Variants in TGFA observed in about 807,000 individuals in gnomAD.
The protein encoded by TGFA is transforming growth factor alpha.
A neutral mutation model predicts 21.7 loss-of-function variants in TGFA; 12 were observed. That is an observed-to-expected ratio of 0.55 (90% CI 0.35 to 0.90). TGFA has a LOEUF of 0.90. TGFA is among the 40% of genes least tolerant of loss of function. The pLI is 0.01. For synonymous variants in TGFA, 79 were observed against 88.1 expected (o/e 0.90, Z 0.58); for missense variants, 178 against 210.8 (o/e 0.84, Z 0.96).
chr2:70,549,823 G>C lies in TGFA; in HGVS notation c.40+3905C>G, dbSNP rs561647291. ...TATAAGAAAAGTCCCCTTTGCAGGGGACATTGAGTATTTATAGAAAGATCA... is the reference window on the plus strand; with the variant it reads ...TATAAGAAAAGTCCCCTTTGCAGGGCACATTGAGTATTTATAGAAAGATCA... On this transcript the variant is annotated intron_variant, in intron 1 of 5. Coordinates refer to ENST00000295400, the MANE Select transcript of TGFA (RefSeq NM_003236.4). 3.9e-5 allele frequency among the ~76,000 whole-genome samples: 6 copies of C among 152,312 alleles called. No individual in the cohort carries two copies. The South Asian group carries it at 1.0e-3, about 26-fold the overall frequency.
At chr2:70,505,158 C>G (rs1257494834) in intron 2 of TGFA, among the ~76,000 whole-genome samples, 1 of 152,082 alleles carries the variant, frequency 6.6e-6, no homozygotes, top group Non-Finnish European at 1.5e-5. Context: ...CTCATAGCAG[C>G]TTTTGACCAT....
intron 3 of TGFA, among the ~76,000 whole-genome samples, chr2:70,460,643 C>T (rs1242206397): frequency 6.6e-6 from 1 of 152,160 alleles, no homozygotes; most frequent in Non-Finnish European, 1.5e-5. Flanking sequence ...CTTTCAAGAA[C>T]CAGATTCACC....
chr2:70,544,614 T>C (rs1553505604), intron 1 of TGFA, among the ~76,000 whole-genome samples: 1 of 152,134 alleles, frequency 6.6e-6, no homozygotes, highest in Non-Finnish European at 1.5e-5. Context: ...CTAGAAGTGG[T>C]CCCAGCACAG....
At chr2:70,460,296 T>C (rs566226461) in intron 3 of TGFA, among the ~76,000 whole-genome samples, 1 of 152,302 alleles carries the variant, frequency 6.6e-6, no homozygotes, top group Admixed American at 6.5e-5. Context: ...AGGGCGATCC[T>C]TTCTCTTCCT....
chr2:70,539,871 G>A lies in TGFA; in HGVS notation c.40+13857C>T, dbSNP rs74819686. On this transcript the variant is annotated intron_variant, in intron 1 of 5. Coordinates refer to ENST00000295400, the MANE Select transcript of TGFA (RefSeq NM_003236.4). ...CCTTTTTCATTCTCTAGTTGTTCCCGTGCCAGGTGTGGTCTGTGGTTCCAC... is the reference window on the plus strand; with the variant it reads ...CCTTTTTCATTCTCTAGTTGTTCCCATGCCAGGTGTGGTCTGTGGTTCCAC... 1.2e-3 allele frequency among the ~76,000 whole-genome samples: 186 copies of A among 152,176 alleles called. 3 individuals carry two copies. The East Asian group carries it at 0.022, about 18-fold the overall frequency.
Position 70,453,112 on chromosome 2 carries a change from T to C in TGFA, c.475+106A>G, listed in dbSNP as rs1220346027. 5.9e-6 allele frequency: 6 copies of C among 1,014,066 alleles called. No homozygotes were observed. The Admixed American group carries it at 1.3e-4, about 22-fold the overall frequency. The allele number at this position is 1,014,066 out of a possible 1,614,324, so 62.8% of individuals were successfully genotyped here. A position where few individuals can be genotyped will look rare whatever the true frequency, so the allele number is the denominator to read the frequency against. ...GTAGAATGAAACAGTCTCTTCCTTT[T>C]CTCCTCTCTTCCTGCTTCATACTCC... On this transcript the variant is annotated intron_variant, in intron 5 of 5. Transcript: ENST00000295400.
Position 70,526,716 on chromosome 2 carries a change from C to A in TGFA, c.41-11804G>T, listed in dbSNP as rs575563293. On this transcript the variant is annotated intron_variant, in intron 1 of 5. Transcript: ENST00000295400. ...TCTCCCCTACCAACCCTGCTCTAGT[C>A]CATTTTCCCCTTTAACTTTTGCTGG... Among the ~76,000 whole-genome samples, 13 of 152,266 alleles carry A rather than the reference C, an allele frequency of 8.5e-5. No homozygotes were observed. The South Asian group carries it at 1.7e-3, about 19-fold the overall frequency.
rs545664439 is a variant in TGFA, at chr2:70,454,876, A to G, written c.365+1463T>C. On this transcript the variant is annotated intron_variant, in intron 4 of 5. Transcript: ENST00000295400. Reference sequence around the variant, plus strand: ...AGACAATCTGCCAAAATTAGCTCTTAGGTCCCTCTGGGGAGGCCTGTGTGG... The same window carrying G: ...AGACAATCTGCCAAAATTAGCTCTTGGGTCCCTCTGGGGAGGCCTGTGTGG... 2.1e-4 allele frequency among the ~76,000 whole-genome samples: 32 copies of G among 152,294 alleles called. No homozygotes were observed. The East Asian group carries it at 2.9e-3, about 14-fold the overall frequency.
intron 2 of TGFA, among the ~76,000 whole-genome samples, chr2:70,505,603 C>T (rs1553500027): frequency 6.6e-6 from 1 of 152,010 alleles, no homozygotes; most frequent in East Asian, 1.9e-4. Flanking sequence ...CTCATTAAAT[C>T]CAAGCCCCCA....
intron 1 of TGFA, among the ~76,000 whole-genome samples, chr2:70,524,086 C>T (rs1672558887): frequency 6.6e-6 from 1 of 152,218 alleles, no homozygotes; most frequent in East Asian, 1.9e-4. Context: ...CAACAACTCA[C>T]ACTGCCACAC....
chr2:70,471,899 T>C (rs1553493372), intron 2 of TGFA, among the ~76,000 whole-genome samples: 1 of 152,130 alleles, frequency 6.6e-6, no homozygotes, highest in African/African-American at 2.4e-5. Context: ...TTTATAAAAA[T>C]GAGCATTACA....
chr2:70,522,974 T>C (rs1216230121), intron 1 of TGFA, among the ~76,000 whole-genome samples: 1 of 152,234 alleles, frequency 6.6e-6, no homozygotes, highest in African/African-American at 2.4e-5. Flanking sequence ...TATAAATAGC[T>C]GTACCATTGT....
rs1175233983 is a variant in TGFA at position 70,476,080 on chromosome 2, C to CAAAAAAAAAAAA, written c.95-10356_95-10345dup. Reference sequence around the variant, plus strand: ...CTACCTTGGTCTTAGTAATTTTAAGCAAAAAAAAAAAAAAAAAAAAAAAAA... The same window carrying CAAAAAAAAAAAA: ...CTACCTTGGTCTTAGTAATTTTAAGCAAAAAAAAAAAAAAAAAAAAAAAAAAAAAAAAAAAAA... On this transcript the variant is annotated intron_variant, in intron 2 of 5. Transcript: ENST00000295400. 6.2e-3 allele frequency among the ~76,000 whole-genome samples: 342 copies of CAAAAAAAAAAAA among 55,484 alleles called. 9 individuals carry two copies. The highest frequency in any genetic ancestry group is 0.013 in the Admixed American group (44 of 3,382). The allele number at this position is 55,484 out of a possible 152,430, so 36.4% of individuals were successfully genotyped here. A position where few individuals can be genotyped will look rare whatever the true frequency, so the allele number is the denominator to read the frequency against.
Position 70,521,613 on chromosome 2 carries a change from G to GTTTTTT in TGFA, c.41-6702_41-6701insAAAAAA, listed in dbSNP as rs59567780. Among the ~76,000 whole-genome samples the GTTTTTT allele has an allele frequency of 9.6e-3, 708 of 73,720 alleles. 46 individuals are homozygous for GTTTTTT. Among genetic ancestry groups the GTTTTTT allele is most frequent in the African/African-American group, 0.028 (651 of 23,440 alleles). 48.4% of individuals were successfully genotyped at this position (73,720 alleles called of 152,430 possible). The stretch of plus-strand genomic sequence containing the variant: ...TTGATAGTTTTTTTTGTTGTTGTTT[G>GTTTTTT]TTTGTTTTTTTTTTTTTTTTTTTTT... On this transcript the variant is annotated intron_variant, in intron 1 of 5. Transcript: ENST00000295400.
intron 1 of TGFA, among the ~76,000 whole-genome samples, chr2:70,523,695 T>G (rs1574131199): frequency 6.6e-6 from 1 of 152,166 alleles, no homozygotes; most frequent in Admixed American, 6.5e-5. Context: ...TCACATGGAC[T>G]AGTATCTCCT....
intron 2 of TGFA, among the ~76,000 whole-genome samples, chr2:70,505,586 A>G (rs1391721934): frequency 6.6e-6 from 1 of 152,154 alleles, no homozygotes; most frequent in South Asian, 2.1e-4. Flanking sequence ...CAAGGCAAGG[A>G]GACATGCTCA....
At position 70,447,486 on chromosome 2, in the gene TGFA, A is replaced by T. The variant is rs1669915884; in HGVS notation, c.*3373T>A. 6.5e-6 allele frequency: 1 copy of T among 152,676 alleles called. No homozygotes were observed. Among genetic ancestry groups the T allele is most frequent in the South Asian group, 2.1e-4 (1 of 4,836 alleles). 9.5% of individuals were successfully genotyped at this position (152,676 alleles called of 1,614,324 possible). Reference sequence around the variant, plus strand: ...TTAACTTACCACACAAAATAAATTAAAACATTAAATATTAACCTTTTCAGT... The same window carrying T: ...TTAACTTACCACACAAAATAAATTATAACATTAAATATTAACCTTTTCAGT... On this transcript the variant is annotated 3_prime_UTR_variant, in exon 6 of 6. Coordinates refer to ENST00000295400, the MANE Select transcript of TGFA (RefSeq NM_003236.4).
At chr2:70,494,623 A>G (rs1559118808) in intron 2 of TGFA, among the ~76,000 whole-genome samples, 1 of 152,246 alleles carries the variant, frequency 6.6e-6, no homozygotes, top group Non-Finnish European at 1.5e-5. Context: ...TATATACCCA[A>G]TAAGTCTCCG....
intron 3 of TGFA, among the ~76,000 whole-genome samples, chr2:70,463,662 A>C (rs1489974486): frequency 1.3e-5 from 2 of 152,078 alleles, no homozygotes; most frequent in Non-Finnish European, 2.9e-5. Flanking sequence ...GATTCTCTCT[A>C]CTCATAGCCC....
Sources: allele counts gnomAD v4.1 joint callset (sites outside exome capture counted in the v4.1 genomes callset), GRCh38; gene constraint gnomAD v4.1.1; transcripts MANE v1.5; gene names NCBI Gene and HGNC (gene_info 2026-07-23, HGNC 2026-07-21).